The following CACNA1A variants were observed in gnomAD, a reference collection of about 807,000 sequenced individuals.
CACNA1A encodes the protein voltage-dependent P/Q-type calcium channel subunit alpha-1A.
In CACNA1A, 57 loss-of-function variants were observed where a neutral mutation model predicts 262.4. The observed-to-expected ratio is 0.22, with a 90% confidence interval of 0.18 to 0.27. CACNA1A has a LOEUF of 0.27. CACNA1A is among the 10% of genes least tolerant of loss of function. The pLI is 1.00. For missense variants in CACNA1A, 2,526 were observed against 3,562.8 expected (o/e 0.71, Z 7.41); for synonymous variants, 1,431 against 1,419.3 (o/e 1.01, Z -0.18).
At chr19:13,485,761 C>T (rs554877052) in intron 1 of CACNA1A, among the ~76,000 whole-genome samples, 11 of 152,264 alleles carry the variant, frequency 7.2e-5, no homozygotes, top group East Asian at 5.8e-4. Flanking sequence ...CACCCACCAC[C>T]GGCAGGAGTG....
intron 10 of CACNA1A, among the ~76,000 whole-genome samples, chr19:13,325,101 T>C (rs956987367): frequency 1.2e-3 from 126 of 103,594 alleles, no homozygotes; most frequent in South Asian, 1.7e-3. Context: ...CTTCCTCCTC[T>C]TCTTCTTCCC....
Position 13,208,827 on chromosome 19 carries a change from G to C in CACNA1A, c.6709C>G (p.Arg2237Gly), listed in dbSNP as rs1415336869. ...CAGCGCTGGTCCCGAGCCCGTGCCC[G>C]GCCGTGGTCCGGCCGTTCCTGGGCA... ...RYAQERPDHG[R>G]ARARDQRWSR... is the part of the protein sequence containing the mutation. Residue 2237 changes from arginine to glycine, a missense_variant, in exon 46 of 47, where the codon CGG becomes GGG. Transcript: ENST00000360228. The C allele has an allele frequency of 6.5e-7, 1 of 1,544,534 alleles. No individual in the cohort carries two copies. The highest frequency in any genetic ancestry group is 2.4e-5 in the East Asian group (1 of 41,638).
chr19:13,257,189 A>C (rs2056595488), intron 28 of CACNA1A, 161 bp downstream of exon 28: 3 of 602,446 alleles, frequency 5.0e-6, no homozygotes, highest in Admixed American at 5.9e-5. Context: ...TTTCCTCTGG[A>C]AACTCCATGA....
At chr19:13,448,493 A>C (rs2060857761) in intron 3 of CACNA1A, among the ~76,000 whole-genome samples, 1 of 152,146 alleles carries the variant, frequency 6.6e-6, no homozygotes, top group South Asian at 2.1e-4. Flanking sequence ...TGTACCCCTA[A>C]ACTTAAAATA....
chr19:13,406,104 C>T (rs2144716162), intron 3 of CACNA1A, among the ~76,000 whole-genome samples: 1 of 151,942 alleles, frequency 6.6e-6, no homozygotes, highest in South Asian at 2.1e-4. Context: ...TCGCTTGAGG[C>T]CAGGAGTTTA....
chr19:13,235,104 A>C (rs1031108854), intron 33 of CACNA1A, 68 bp from the exon 34 acceptor site: 9 of 1,540,240 alleles, frequency 5.8e-6, no homozygotes, highest in Non-Finnish European at 8.1e-6. Context: ...ACCCAGCTCA[A>C]CCTCCATGGC....
At chr19:13,307,362 T>C (rs1002510662) in intron 15 of CACNA1A, 2 of 157,290 alleles carry the variant, frequency 1.3e-5, no homozygotes, top group Admixed American at 1.3e-4. Context: ...ATCTCCCGAG[T>C]AGCTGGGATT....
chr19:13,490,023 C>G (rs571431861), intron 1 of CACNA1A, among the ~76,000 whole-genome samples: 1 of 152,170 alleles, frequency 6.6e-6, no homozygotes, highest in South Asian at 2.1e-4. Flanking sequence ...CACACCAGGG[C>G]GGGGATTTTT....
intron 3 of CACNA1A, among the ~76,000 whole-genome samples, chr19:13,382,589 C>T (rs1401050145): frequency 6.6e-6 from 1 of 152,166 alleles, no homozygotes; most frequent in Non-Finnish European, 1.5e-5. Context: ...GGGTCTTGTC[C>T]TGTGGACAGT....
At chr19:13,471,455 C>T (rs184494842) in intron 1 of CACNA1A, among the ~76,000 whole-genome samples, 4 of 152,172 alleles carry the variant, frequency 2.6e-5, no homozygotes, top group Middle Eastern at 3.2e-3. Flanking sequence ...TCTTCCTCCC[C>T]CTACAGCTGA....
intron 6 of CACNA1A, among the ~76,000 whole-genome samples, chr19:13,358,111 G>C (rs550853106): frequency 1.3e-5 from 2 of 152,324 alleles, no homozygotes; most frequent in African/African-American, 4.8e-5. Context: ...CAACCCCCTA[G>C]CTATATCTGC....
chr19:13,289,140 CTTTTT>C (rs36024401), intron 19 of CACNA1A, among the ~76,000 whole-genome samples: 1 of 122,236 alleles, frequency 8.2e-6, no homozygotes, highest in Non-Finnish European at 1.7e-5. Flanking sequence ...TCGGCAATGT[CTTTTT>C]TTTTTTTTTT....
chr19:13,281,973 G>A (rs1004843021), intron 22 of CACNA1A, among the ~76,000 whole-genome samples: 2 of 152,206 alleles, frequency 1.3e-5, no homozygotes, highest in Non-Finnish European at 2.9e-5. Context: ...GCATCCTCGC[G>A]TCAGCAGGGG....
chr19:13,312,245 C>A (rs897217934), intron 12 of CACNA1A, among the ~76,000 whole-genome samples: 4 of 152,144 alleles, frequency 2.6e-5, no homozygotes, highest in Non-Finnish European at 5.9e-5. Flanking sequence ...CTCCATAATG[C>A]CAGGGTGTTG....
At chr19:13,292,191 G>A (rs2057555571) in intron 19 of CACNA1A, among the ~76,000 whole-genome samples, 1 of 152,202 alleles carries the variant, frequency 6.6e-6, no homozygotes, top group South Asian at 2.1e-4. Context: ...CTGGTATGGG[G>A]GATCTGGGGC....
intron 1 of CACNA1A, among the ~76,000 whole-genome samples, chr19:13,497,657 C>T (rs1290487027): frequency 7.3e-6 from 1 of 137,190 alleles, no homozygotes; most frequent in Non-Finnish European, 1.6e-5. Context: ...GCAGGAGGAT[C>T]GCTTGAGCCT....
Position 13,241,545 on chromosome 19 carries a change from G to T in CACNA1A, c.4950+3637C>A. 1 of 646,252 alleles carries T rather than the reference G, an allele frequency of 1.5e-6. No individual in the cohort carries two copies. Among genetic ancestry groups the T allele is most frequent in the Non-Finnish European group, 2.5e-6 (1 of 392,708 alleles). 40.0% of individuals were successfully genotyped at this position (646,252 alleles called of 1,614,324 possible). On this transcript the variant is annotated intron_variant, in intron 31 of 46. Transcript: ENST00000360228. This position sits in a 1 kb window ranked among gnomAD's most constrained non-coding sequence, Gnocchi z 4.0. ...CCGGATTCTAGATGCAGATGTTGAAGATGAGGGGGAGCGGGCGGGCGGGGG... is the reference window on the plus strand; with the variant it reads ...CCGGATTCTAGATGCAGATGTTGAATATGAGGGGGAGCGGGCGGGCGGGGG...
At chr19:13,303,234 C>T (rs536593196) in intron 17 of CACNA1A, among the ~76,000 whole-genome samples, 1 of 152,184 alleles carries the variant, frequency 6.6e-6, no homozygotes, top group Non-Finnish European at 1.5e-5. Flanking sequence ...CTGGGGGCTA[C>T]ACCATTCCTT....
At chr19:13,500,140 C>A (rs1982201218) in intron 1 of CACNA1A, among the ~76,000 whole-genome samples, 1 of 152,194 alleles carries the variant, frequency 6.6e-6, no homozygotes, top group Admixed American at 6.5e-5. Context: ...GCAACTAAAA[C>A]CCATCAAAAT....
Sources: gnomAD v4.1 joint callset for allele counts (sites outside exome capture counted in the v4.1 genomes callset) on GRCh38, gnomAD v4.1.1 for gene constraint, Gnocchi (gnomAD v3.1) non-coding constraint, MANE v1.5 for transcripts, NCBI Gene and HGNC (gene_info 2026-07-23, HGNC 2026-07-21) for gene names.